CLTCL1: variants seen among roughly 807,000 people sequenced by gnomAD.
The protein encoded by CLTCL1 is clathrin heavy chain 2.
CLTCL1 carries 159 observed loss-of-function variants against 190.0 expected under a neutral mutation model. The observed-to-expected ratio is 0.84, with a 90% CI of 0.74 to 0.95. CLTCL1 has a LOEUF of 0.95. Ranked by LOEUF, CLTCL1 falls within the 40% of genes least tolerant of loss-of-function variation. CLTCL1 has a pLI of 0.00. For missense variants in CLTCL1, 1,878 were observed against 2,033.4 expected (o/e 0.92, Z 1.47); for synonymous variants, 752 against 769.6 (o/e 0.98, Z 0.38).
intron 2 of CLTCL1, among the ~76,000 whole-genome samples, chr22:19,256,460 G>A (rs2086761768): frequency 7.0e-6 from 1 of 143,750 alleles, no homozygotes; most frequent in South Asian, 2.3e-4. Context: ...AGGTTCAAGT[G>A]ATTCTCCTGC....
intron 5 of CLTCL1, among the ~76,000 whole-genome samples, chr22:19,237,523 C>T (rs2086117818): frequency 6.6e-6 from 1 of 152,102 alleles, no homozygotes; most frequent in Non-Finnish European, 1.5e-5. Flanking sequence ...TGAGAGTGTG[C>T]CCCTGACCCA....
In CLTCL1 at chr22:19,242,804, A is replaced by C. The variant is rs782188033; in HGVS notation, c.652T>G (p.Phe218Val). The C allele has an allele frequency of 5.6e-6, 9 of 1,613,968 alleles. 1 individual carries two copies. In the South Asian group the frequency reaches 8.8e-5, roughly 16 times the overall value. Residue 218 changes from phenylalanine (F) to valine (V), a missense_variant, in exon 4 of 33, where the codon TTT becomes GTT. Coordinates refer to ENST00000427926, the MANE Select transcript of CLTCL1 (RefSeq NM_007098.4). ...CCTCCTGTGGGATTACGTACAGCAAAGCAGAAAAGGGTGGCAGGCTTGGCA... is the reference window on the plus strand; with the variant it reads ...CCTCCTGTGGGATTACGTACAGCAACGCAGAAAAGGGTGGCAGGCTTGGCA... ...GNAKPATLFC[F>V]AVRNPTGGKL...
At chr22:19,191,571 G>C in intron 26 of CLTCL1, 136 bp from the exon 27 acceptor site, 2 of 1,033,486 alleles carry the variant, frequency 1.9e-6, no homozygotes, top group Non-Finnish European at 2.8e-6. Context: ...AATGGCCTGT[G>C]AAGGTGCCTC....
At chr22:19,181,131 C>T (rs889325526) in intron 30 of CLTCL1, 7 of 346,620 alleles carry the variant, frequency 2.0e-5, no homozygotes, top group Admixed American at 1.3e-4. Context: ...CCTCTGGATA[C>T]AGGGACACTG....
At chr22:19,262,003 G>C (rs2086963930) in intron 2 of CLTCL1, among the ~76,000 whole-genome samples, 1 of 152,040 alleles carries the variant, frequency 6.6e-6, no homozygotes, top group Non-Finnish European at 1.5e-5. Flanking sequence ...CCTCACTGAT[G>C]TCTTTTTTTA....
rs150731654 is a variant in CLTCL1, at chr22:19,208,529, C to G, written c.3443-218G>C. On this transcript the variant is annotated intron_variant, in intron 21 of 32. Transcript: ENST00000427926. ...GGGAGGGGCAGAGCCACACTCAGGC[C>G]ACCTCCCTTAGAAAAGACTTTGCCA... Among the ~76,000 whole-genome samples the G allele has an allele frequency of 4.6e-3, 697 of 152,196 alleles. 6 individuals carry two copies. The highest frequency in any genetic ancestry group is 0.016 in the African/African-American group (650 of 41,500).
At chr22:19,278,132 G>A (rs2087582313) in intron 1 of CLTCL1, among the ~76,000 whole-genome samples, 1 of 152,142 alleles carries the variant, frequency 6.6e-6, no homozygotes, top group Non-Finnish European at 1.5e-5. Context: ...ACCTCCATGT[G>A]TTCAGCTATC....
At chr22:19,183,658 TTTGTG>T (rs1555926972) in intron 29 of CLTCL1, 47 bp from the exon 30 acceptor site, 64 of 1,578,602 alleles carry the variant, frequency 4.1e-5, no homozygotes, top group Non-Finnish European at 5.2e-5. Context: ...AGGCAGAGGC[TTTGTG>T]CCTGCAGCAG....
intron 3 of CLTCL1, among the ~76,000 whole-genome samples, 160 bp from the exon 4 acceptor site, chr22:19,243,096 G>A (rs1183914458): frequency 6.6e-6 from 1 of 152,116 alleles, no homozygotes; most frequent in Non-Finnish European, 1.5e-5. Flanking sequence ...ATATCACTCT[G>A]AATTTTATGT....
At chr22:19,270,714 G>GA (rs1167114268) in intron 2 of CLTCL1, among the ~76,000 whole-genome samples, 2 of 116,612 alleles carry the variant, frequency 1.7e-5, no homozygotes, top group African/African-American at 6.8e-5. Flanking sequence ...GCAACAGAGC[G>GA]AGACTCCAAC....
intron 22 of CLTCL1, 162 bp downstream of exon 22, chr22:19,207,992 G>C: frequency 1.4e-6 from 1 of 734,378 alleles, no homozygotes; most frequent in East Asian, 2.7e-5. Flanking sequence ...TAAATGTAAT[G>C]CACTTGAATC....
chr22:19,184,515 T>C (rs1555927402), intron 29 of CLTCL1: 1 of 456,074 alleles, frequency 2.2e-6, no homozygotes. Context: ...CATCGATCGC[T>C]GCCTCCTGAC....
At chr22:19,216,807 A>G (rs2085399687) in intron 18 of CLTCL1, among the ~76,000 whole-genome samples, 1 of 152,246 alleles carries the variant, frequency 6.6e-6, no homozygotes. Context: ...AATAGGGTGG[A>G]AAGACAGTTT....
Position 19,266,241 on chromosome 22 carries a change from T to C in CLTCL1, c.250+9382A>G, listed in dbSNP as rs202182893. On this transcript the variant is annotated intron_variant, in intron 2 of 32. Transcript: ENST00000427926. ...AGACACAAATTATCAAAATTAAGAA[T>C]GAAAGAGGGCACCACTGCCAACCCC... 5.9e-5 allele frequency among the ~76,000 whole-genome samples: 9 copies of C among 151,960 alleles called. No individual in the cohort carries two copies. In the East Asian group the frequency reaches 1.6e-3, roughly 26 times the overall value.
chr22:19,191,226 A>C, intron 27 of CLTCL1, 78 bp downstream of exon 27: 1 of 1,563,818 alleles, frequency 6.4e-7, no homozygotes, highest in Non-Finnish European at 8.7e-7. Flanking sequence ...AAAACTCTTT[A>C]TAAAGGTGCT....
At chr22:19,258,139 C>G (rs2086825144) in intron 2 of CLTCL1, 1 of 373,022 alleles carries the variant, frequency 2.7e-6, no homozygotes, top group Non-Finnish European at 5.2e-6. Flanking sequence ...TTGAGACTCT[C>G]AAGGAGAAGC....
chr22:19,179,591 G>T lies in CLTCL1; in HGVS notation c.*399C>A. On this transcript the variant is annotated 3_prime_UTR_variant, in exon 33 of 33. Coordinates refer to ENST00000427926, the MANE Select transcript of CLTCL1 (RefSeq NM_007098.4). ...GTAGTCTTCAAACTGGCCTGGAGGG[G>T]GCAGCTCCAGCCAGTCGGAGGCGCC... 1 of 156,140 alleles carries T rather than the reference G, an allele frequency of 6.4e-6. No homozygotes were observed. The allele number at this position is 156,140 out of a possible 1,614,324, so 9.7% of individuals were successfully genotyped here.
At position 19,187,419 on chromosome 22, in the gene CLTCL1, C is replaced by A. The variant is rs191590920; in HGVS notation, c.4605+139G>T. 14 of 767,724 alleles carry A rather than the reference C, an allele frequency of 1.8e-5. No individual in the cohort carries two copies. The East Asian group carries it at 3.1e-4, about 17-fold the overall frequency. 47.6% of individuals were successfully genotyped at this position (767,724 alleles called of 1,614,324 possible). On this transcript the variant is annotated intron_variant, in intron 29 of 32. Coordinates refer to ENST00000427926, the MANE Select transcript of CLTCL1 (RefSeq NM_007098.4). ...AATATGGTCTCCCATTAATACTAATCCCCCCACCCACCACGAGGATCCCCT... is the reference window on the plus strand; with the variant it reads ...AATATGGTCTCCCATTAATACTAATACCCCCACCCACCACGAGGATCCCCT...
intron 3 of CLTCL1, among the ~76,000 whole-genome samples, chr22:19,251,658 G>A (rs530758893): frequency 1.3e-4 from 19 of 151,952 alleles, no homozygotes; most frequent in Middle Eastern, 3.4e-3. Context: ...GGGTTTCACC[G>A]TGTTAGCCAG....
Sources: allele counts gnomAD v4.1 joint callset (sites outside exome capture counted in the v4.1 genomes callset), GRCh38; gene constraint gnomAD v4.1.1; transcripts MANE v1.5; gene names NCBI Gene and HGNC (gene_info 2026-07-23, HGNC 2026-07-21).